PARP4: variants seen among roughly 807,000 people sequenced by gnomAD.
PARP4 encodes the protein protein mono-ADP-ribosyltransferase PARP4.
A neutral mutation model predicts 187.7 loss-of-function variants in PARP4; 120 were observed. That is an observed-to-expected ratio of 0.64 (90% CI 0.55 to 0.74). The LOEUF (loss-of-function observed/expected upper bound fraction) is 0.74, where lower values mean the gene tolerates loss of function less well. Among genes scored for constraint, PARP4 ranks in the 30% least tolerant of loss-of-function variants. The pLI is 0.00. For missense variants in PARP4, 1,836 were observed against 2,070.5 expected, an observed-to-expected ratio of 0.89 and a Z score of 2.20; for synonymous variants, 654 against 740.9, an observed-to-expected ratio of 0.88 and a Z score of 1.90.
Position 24,490,829 on chromosome 13 carries a change from C to T in PARP4, c.1054-1G>A. The T allele has an allele frequency of 6.2e-7, 1 of 1,612,050 alleles. No homozygotes were observed. The highest frequency in any genetic ancestry group is 8.5e-7 in the Non-Finnish European group (1 of 1,178,778). On this transcript the variant is annotated splice_acceptor_variant, in intron 9 of 33. Coordinates refer to ENST00000381989, the MANE Select transcript of PARP4 (RefSeq NM_006437.4). LOFTEE classifies it high-confidence loss of function. ...AGACATTAACCATGTCTCTTATTAG[C>T]TGTAGGTGGAAATAATACACAGATG... is the stretch of plus-strand genomic sequence containing the variant.
intron 30 of PARP4, among the ~76,000 whole-genome samples, chr13:24,436,047 T>C (rs1254644578): frequency 6.6e-6 from 1 of 152,112 alleles, no homozygotes; most frequent in Non-Finnish European, 1.5e-5. Context: ...AATCAATATA[T>C]TGAAAGACCT....
At chr13:24,466,067 T>C (rs973609389) in intron 17 of PARP4, among the ~76,000 whole-genome samples, 2 of 152,242 alleles carry the variant, frequency 1.3e-5, no homozygotes, top group African/African-American at 2.4e-5. Flanking sequence ...AGTAATAAGA[T>C]AGCCACTGGC....
chr13:24,509,580 C>A (rs1192451008), intron 1 of PARP4, among the ~76,000 whole-genome samples: 2 of 151,520 alleles, frequency 1.3e-5, no homozygotes, highest in Non-Finnish European at 2.9e-5. Flanking sequence ...AATTGTACCC[C>A]AATACATTTT....
At chr13:24,441,683 A>C (rs1373272577) in intron 30 of PARP4, among the ~76,000 whole-genome samples, 163 bp downstream of exon 30, 2 of 152,260 alleles carry the variant, frequency 1.3e-5, no homozygotes, top group Non-Finnish European at 2.9e-5. Flanking sequence ...GTAATGCAAC[A>C]TGATGTAATT....
chr13:24,508,218 T>C (rs1438483931), intron 1 of PARP4, among the ~76,000 whole-genome samples: 2 of 152,170 alleles, frequency 1.3e-5, no homozygotes, highest in East Asian at 3.8e-4. Flanking sequence ...AATGACTCTT[T>C]AATAATTTCC....
At chr13:24,459,450 T>C in intron 18 of PARP4, 140 bp from the exon 19 acceptor site, 1 of 768,196 alleles carries the variant, frequency 1.3e-6, no homozygotes, top group Non-Finnish European at 2.0e-6. Context: ...CACAGAAAGT[T>C]TGCTCATGGA....
At chr13:24,468,345 T>A (rs1453448963) in intron 17 of PARP4, among the ~76,000 whole-genome samples, 2 of 151,930 alleles carry the variant, frequency 1.3e-5, no homozygotes. Flanking sequence ...TGCTTTATGA[T>A]TGGACCATCT....
chr13:24,435,209 G>C lies in PARP4; in HGVS notation c.3932C>G (p.Ser1311Cys). ...CAAAATAGGAAAAAAGCTAGAAGTA[G>C]ATGTTTCCCATGGACTGACTTTCTT... ...LFKKVSPWETSTSSFFPILAP... is the reference protein window; with the variant it reads ...LFKKVSPWETCTSSFFPILAP... The change falls in exon 31 of 34, where the codon TCT (serine) becomes TGT (cysteine). Residue 1311 changes from serine (S) to cysteine (C), a missense_variant. Around this residue, in one of 8 missense-constraint regions of PARP4, gnomAD observed 450 missense variants for 439.2 expected, o/e 1.02. Coordinates refer to ENST00000381989, the MANE Select transcript of PARP4 (RefSeq NM_006437.4). 6.2e-7 allele frequency: 1 copy of C among 1,614,184 alleles called. No homozygotes were observed. Among genetic ancestry groups the C allele is most frequent in the Non-Finnish European group, 8.5e-7 (1 of 1,180,026 alleles).
chr13:24,486,510 T>C (rs974251834), intron 10 of PARP4, among the ~76,000 whole-genome samples: 9 of 152,208 alleles, frequency 5.9e-5, no homozygotes, highest in Non-Finnish European at 1.0e-4. Flanking sequence ...TGTAGTAAAG[T>C]ATACAGTAAA....
chr13:24,467,609 T>C (rs9511291), intron 17 of PARP4, among the ~76,000 whole-genome samples: 77,361 of 151,938 alleles, frequency 0.51, 20,008 homozygotes, highest in South Asian at 0.65. Context: ...GTATATATGG[T>C]ATTTATATAA....
intron 2 of PARP4, among the ~76,000 whole-genome samples, chr13:24,503,281 A>G (rs1448509760): frequency 6.6e-6 from 1 of 152,248 alleles, no homozygotes; most frequent in African/African-American, 2.4e-5. Flanking sequence ...CAGCGTTGAC[A>G]TACTGGTGAG....
At position 24,421,022 on chromosome 13, in the gene PARP4, T is replaced by C. The variant is rs1309586328; in HGVS notation, c.*97A>G. 1.4e-6 allele frequency: 2 copies of C among 1,480,720 alleles called. No individual in the cohort carries two copies. The highest frequency in any genetic ancestry group is 2.3e-5 in the Admixed American group (1 of 43,134). 91.7% of individuals were successfully genotyped at this position (1,480,720 alleles called of 1,614,324 possible). ...TAAAGACAGTAATTGCTACACTGAA[T>C]GAAACCTTAATGAAGTTTCATTATA... On this transcript the variant is annotated 3_prime_UTR_variant, in exon 34 of 34. Coordinates refer to ENST00000381989, the MANE Select transcript of PARP4 (RefSeq NM_006437.4).
chr13:24,448,860 C>G (rs995221395), intron 25 of PARP4, among the ~76,000 whole-genome samples: 17 of 152,124 alleles, frequency 1.1e-4, no homozygotes, highest in Non-Finnish European at 2.2e-4. Flanking sequence ...GTGAAATAAG[C>G]CAGACATAAA....
intron 10 of PARP4, among the ~76,000 whole-genome samples, chr13:24,488,563 A>G (rs1177669311): frequency 6.6e-6 from 1 of 152,152 alleles, no homozygotes; most frequent in African/African-American, 2.4e-5. Flanking sequence ...CATGTTGCCC[A>G]GGCTGGTCTC....
At chr13:24,454,946 T>C (rs1486711109) in intron 22 of PARP4, 71 bp downstream of exon 22, 13 of 1,289,250 alleles carry the variant, frequency 1.0e-5, no homozygotes, top group East Asian at 7.4e-5. Flanking sequence ...GTACCCACAG[T>C]TGTCAGCTCT....
intron 31 of PARP4, among the ~76,000 whole-genome samples, chr13:24,432,159 C>T (rs1448248220): frequency 6.6e-6 from 1 of 151,938 alleles, no homozygotes; most frequent in Non-Finnish European, 1.5e-5. Context: ...ATAATCAGGT[C>T]GGGGTGTTTA....
chr13:24,472,765 C>T (rs1288883267), intron 15 of PARP4, among the ~76,000 whole-genome samples: 2 of 152,168 alleles, frequency 1.3e-5, no homozygotes, highest in Non-Finnish European at 2.9e-5. Flanking sequence ...CATTAGATAA[C>T]CCTCCTGTGA....
Position 24,460,075 on chromosome 13 carries a change from G to T in PARP4, c.2195C>A (p.Thr732Asn), listed in dbSNP as rs1428569805. 4 of 1,613,876 alleles carry T rather than the reference G, an allele frequency of 2.5e-6. No individual in the cohort carries two copies. The highest frequency in any genetic ancestry group is 3.4e-6 in the Non-Finnish European group (4 of 1,179,916). The part of the protein sequence containing the change: ...PPKAKVLIKI[T>N]YITELSILGT... ...CAGGATGCTGAGTTCTGTGATGTAG[G>T]TAATTTTTATAAGAACCTTAGCCTT... Residue 732 changes from threonine to asparagine, a missense_variant, in exon 18 of 34, where the codon ACC becomes AAC. Coordinates refer to ENST00000381989, the MANE Select transcript of PARP4 (RefSeq NM_006437.4).
Position 24,469,005 on chromosome 13 carries a change from C to T in PARP4, c.2133+19G>A, listed in dbSNP as rs1164831171. The T allele has an allele frequency of 1.2e-5, 18 of 1,551,950 alleles. No individual in the cohort carries two copies. The highest frequency in any genetic ancestry group is 1.5e-5 in the Non-Finnish European group (17 of 1,123,692). On this transcript the variant is annotated intron_variant, in intron 17 of 33. Transcript: ENST00000381989. ...CTTTCCCTCTCCTGTATGCATGCGG[C>T]ATGCACACCAAGCCATACCGGAGCA...
Sources: allele counts gnomAD v4.1 joint callset (sites outside exome capture counted in the v4.1 genomes callset), GRCh38; gene constraint gnomAD v4.1.1; regional missense constraint gnomAD v4.1.1; transcripts MANE v1.5; gene names NCBI Gene and HGNC (gene_info 2026-07-23, HGNC 2026-07-21).